The following MCUB variants were observed in gnomAD, a reference collection of about 807,000 sequenced individuals.
The protein encoded by MCUB is calcium uniporter regulatory subunit MCUb, mitochondrial.
A neutral mutation model predicts 41.4 loss-of-function variants in MCUB; 46 were observed. That is an observed-to-expected ratio of 1.11 (90% CI 0.88 to 1.42). The LOEUF is 1.42. Ranked by LOEUF, MCUB falls within the 40% of genes most tolerant of loss-of-function variation. The probability of loss-of-function intolerance (pLI) is 0.00; values close to 1 mark genes in which losing one functional copy is unlikely to be tolerated. For synonymous variants in MCUB, 148 were observed against 148.2 expected (o/e 1.00, Z 0.01); for missense variants, 403 against 404.9 (o/e 1.00, Z 0.04).
At chr4:109,608,795 C>T (rs1054999959) in intron 1 of MCUB, among the ~76,000 whole-genome samples, 1 of 152,188 alleles carries the variant, frequency 6.6e-6, no homozygotes, top group African/African-American at 2.4e-5. Context: ...GCCACCATAC[C>T]CGGCCTGAAG....
chr4:109,650,207 C>A (rs1358637197), intron 1 of MCUB, among the ~76,000 whole-genome samples: 1 of 152,102 alleles, frequency 6.6e-6, no homozygotes, highest in Non-Finnish European at 1.5e-5. Flanking sequence ...TTAATAATAA[C>A]CCTCTAAAAA....
At chr4:109,606,353 GTTA>G (rs1191672164) in intron 1 of MCUB, among the ~76,000 whole-genome samples, 4 of 151,936 alleles carry the variant, frequency 2.6e-5, no homozygotes, top group Non-Finnish European at 1.5e-5. Context: ...TACATTCAAT[GTTA>G]TTATTGATAA....
chr4:109,572,025 T>TG lies in MCUB; in HGVS notation c.99+11594dup, dbSNP rs200019617. Among the ~76,000 whole-genome samples, 862 of 152,358 alleles carry TG rather than the reference T, an allele frequency of 5.7e-3. 7 individuals carry two copies. Among genetic ancestry groups the TG allele is most frequent in the African/African-American group, 0.02 (845 of 41,594 alleles). ...GTCCAGAAACGGGGTAGTTTTGTTT[T>TG]GGGGGTCACTGAATTTCCAAGACAC... On this transcript the variant is annotated intron_variant, in intron 1 of 7. Coordinates refer to ENST00000394650, the MANE Select transcript of MCUB (RefSeq NM_017918.5).
intron 1 of MCUB, among the ~76,000 whole-genome samples, chr4:109,562,780 A>T (rs975514600): frequency 1.3e-5 from 2 of 152,196 alleles, no homozygotes; most frequent in African/African-American, 4.8e-5. Flanking sequence ...CACTTCTATG[A>T]GTGTGCCTTA....
rs373268906 is a variant in MCUB, at chr4:109,579,739, GA to G, written c.99+19307del. ...CAAAAATCCTGACCACTGCCATGTA[GA>G]AAAGAGCTGTGTGTTATTGCCAACT... On this transcript the variant is annotated intron_variant, in intron 1 of 7. Coordinates refer to ENST00000394650, the MANE Select transcript of MCUB (RefSeq NM_017918.5). 1.8e-3 allele frequency among the ~76,000 whole-genome samples: 268 copies of G among 152,268 alleles called. 1 individual carries two copies. The highest frequency in any genetic ancestry group is 5.8e-3 in the African/African-American group (243 of 41,544).
intron 1 of MCUB, among the ~76,000 whole-genome samples, chr4:109,587,905 C>A (rs758237031): frequency 6.6e-6 from 1 of 151,968 alleles, no homozygotes; most frequent in Non-Finnish European, 1.5e-5. Flanking sequence ...AAATAACAGT[C>A]GAAATGAAAA....
At chr4:109,654,162 G>C (rs909792410) in intron 1 of MCUB, among the ~76,000 whole-genome samples, 6 of 151,682 alleles carry the variant, frequency 4.0e-5, no homozygotes, top group Non-Finnish European at 8.8e-5. Flanking sequence ...TCAAATTTTG[G>C]ATTACAGATT....
chr4:109,577,256 A>G (rs1051439021), intron 1 of MCUB, among the ~76,000 whole-genome samples: 8 of 152,208 alleles, frequency 5.3e-5, no homozygotes, highest in African/African-American at 1.9e-4. Context: ...TGCTTTATTC[A>G]ATCATTTTTA....
At chr4:109,657,600 C>T (rs368672313) in intron 1 of MCUB, among the ~76,000 whole-genome samples, 19 of 152,296 alleles carry the variant, frequency 1.2e-4, no homozygotes, top group East Asian at 1.2e-3. Flanking sequence ...TTACAGCCAC[C>T]GTGTTGTGAC....
chr4:109,580,950 C>A (rs925726189), intron 1 of MCUB, among the ~76,000 whole-genome samples: 4 of 152,170 alleles, frequency 2.6e-5, no homozygotes, highest in African/African-American at 9.7e-5. Context: ...AATGGCCATA[C>A]TGCCCAAGGT....
At chr4:109,609,771 C>T (rs1727958939) in intron 1 of MCUB, among the ~76,000 whole-genome samples, 1 of 152,122 alleles carries the variant, frequency 6.6e-6, no homozygotes. Flanking sequence ...GCAGCCACTC[C>T]CTGGCTACTG....
chr4:109,639,963 A>G (rs1414300442), intron 1 of MCUB, among the ~76,000 whole-genome samples: 1 of 152,246 alleles, frequency 6.6e-6, no homozygotes, highest in Non-Finnish European at 1.5e-5. Flanking sequence ...AAGAGAGTCC[A>G]CCAAACAGGC....
rs72900720 is a variant in MCUB at position 109,571,092 on chromosome 4, A to G, written c.99+10656A>G. On this transcript the variant is annotated intron_variant, in intron 1 of 7. Coordinates refer to ENST00000394650, the MANE Select transcript of MCUB (RefSeq NM_017918.5). ...GGCTAAGGAACATTCAAGGCAGTGC[A>G]TTGGCACAGGTGTTTATTCCAATAG... Among the ~76,000 whole-genome samples, 1,201 of 152,338 alleles carry G rather than the reference A, an allele frequency of 7.9e-3. 16 individuals are homozygous for G. The highest frequency in any genetic ancestry group is 0.027 in the African/African-American group (1,138 of 41,584).
intron 1 of MCUB, among the ~76,000 whole-genome samples, chr4:109,642,486 T>C (rs1728741920): frequency 1.3e-5 from 2 of 152,260 alleles, no homozygotes; most frequent in Admixed American, 1.3e-4. Flanking sequence ...TATTTTTCTG[T>C]ATCAGTGTGT....
At chr4:109,585,118 G>C (rs1273201083) in intron 1 of MCUB, among the ~76,000 whole-genome samples, 14 of 151,456 alleles carry the variant, frequency 9.2e-5, no homozygotes, top group Admixed American at 2.0e-4. Context: ...TTGCTTTATG[G>C]ATCTGGGTGC....
At chr4:109,623,754 C>A (rs1256993115) in intron 1 of MCUB, among the ~76,000 whole-genome samples, 1 of 152,174 alleles carries the variant, frequency 6.6e-6, no homozygotes, top group East Asian at 1.9e-4. Context: ...ACAAGACACC[C>A]TGGAGGACCT....
chr4:109,591,337 T>C (rs149801), intron 1 of MCUB, among the ~76,000 whole-genome samples: 57,211 of 151,650 alleles, frequency 0.38, 12,383 homozygotes, highest in South Asian at 0.62. Context: ...AGGTGTGCGC[T>C]ACCACGCCTG....
intron 1 of MCUB, among the ~76,000 whole-genome samples, chr4:109,584,993 T>C (rs969422162): frequency 6.6e-6 from 1 of 152,178 alleles, no homozygotes; most frequent in Non-Finnish European, 1.5e-5. Flanking sequence ...TGAGTTTAAG[T>C]CCTGGATATC....
chr4:109,657,506 G>T (rs1034873775), intron 1 of MCUB, among the ~76,000 whole-genome samples: 1 of 152,086 alleles, frequency 6.6e-6, no homozygotes, highest in African/African-American at 2.4e-5. Context: ...GTTTATAAAA[G>T]AATTATTCTT....
Sources: gnomAD v4.1 joint callset for allele counts (sites outside exome capture counted in the v4.1 genomes callset) on GRCh38, gnomAD v4.1.1 for gene constraint, MANE v1.5 for transcripts, NCBI Gene and HGNC (gene_info 2026-07-23, HGNC 2026-07-21) for gene names.